Variants in C1orf167 observed in about 807,000 individuals in gnomAD.
The protein encoded by C1orf167 is uncharacterized protein C1orf167.
C1orf167 carries 153 observed loss-of-function variants against 176.5 expected under a neutral mutation model. The observed-to-expected ratio is 0.87, with a 90% CI of 0.76 to 0.99. The LOEUF is 0.99. Ranked by LOEUF, C1orf167 falls within the 50% of genes least tolerant of loss-of-function variation. The pLI, the probability that C1orf167 is intolerant of heterozygous loss-of-function variation, is 0.00. For missense variants in C1orf167, 1,490 were observed against 1,817.7 expected, an observed-to-expected ratio of 0.82 and a Z score of 3.28; for synonymous variants, 594 against 752.7, an observed-to-expected ratio of 0.79 and a Z score of 3.45.
chr1:11,767,292 GGTTGGA>G, intron 4 of C1orf167, 28 bp downstream of exon 4: 13 of 1,210,456 alleles, frequency 1.1e-5, no homozygotes, highest in Non-Finnish European at 1.3e-5. Flanking sequence ...TGGGGACAGG[GGTTGGA>G]GTTGGGGGAC....
chr1:11,787,461 G>T lies in C1orf167; in HGVS notation c.3641G>T (p.Arg1214Leu), dbSNP rs566155977. ...APSLQCSLGG[R>L]RKPRGTAWAQ... Reference sequence around the variant, plus strand: ...TCACTGCAGTGCAGCCTGGGTGGACGGAGGAAGCCAAGGGGAACGGCCTGG... The same window carrying T: ...TCACTGCAGTGCAGCCTGGGTGGACTGAGGAAGCCAAGGGGAACGGCCTGG... The change falls in exon 17 of 21, where the codon CGG becomes CTG. Residue 1214 changes from arginine (R) to leucine (L), a missense_variant. Coordinates refer to ENST00000688073, the MANE Select transcript of C1orf167 (RefSeq NM_001010881.2). 2 of 1,303,474 alleles carry T rather than the reference G, an allele frequency of 1.5e-6. No individual in the cohort carries two copies. Among genetic ancestry groups the T allele is most frequent in the South Asian group, 2.5e-5 (2 of 80,988 alleles). 80.7% of individuals were successfully genotyped at this position (1,303,474 alleles called of 1,614,324 possible).
rs1473971430 is a variant in C1orf167 at position 11,785,241 on chromosome 1, G to A, written c.3519G>A (p.Leu1173=). Residue 1173 remains leucine, a synonymous_variant, in exon 16 of 21, where the codon CTG becomes CTA. Coordinates refer to ENST00000688073, the MANE Select transcript of C1orf167 (RefSeq NM_001010881.2). ...QLRPAELRRF[L]RTVQLRVRLG... ...GGCCGGCTGAGCTCAGGCGCTTCCTGCGGACAGTGCAGCTCAGGGTGCGGC... is the reference window on the plus strand; with the variant it reads ...GGCCGGCTGAGCTCAGGCGCTTCCTACGGACAGTGCAGCTCAGGGTGCGGC... 1 of 1,291,452 alleles carries A rather than the reference G, an allele frequency of 7.7e-7. No homozygotes were observed. The highest frequency in any genetic ancestry group is 1.0e-6 in the Non-Finnish European group (1 of 988,782). 80.0% of individuals were successfully genotyped at this position (1,291,452 alleles called of 1,614,324 possible). A position where few individuals can be genotyped will look rare whatever the true frequency, so the allele number is the denominator to read the frequency against.
At chr1:11,778,589 A>C (rs12134663) in intron 10 of C1orf167, 71 bp from the exon 11 acceptor site, 189,901 of 1,193,464 alleles carry the variant, frequency 0.16, 16,231 homozygotes, top group South Asian at 0.25. Context: ...AGGGTAGGGT[A>C]GCCCCTGCTT....
chr1:11,765,823 C>T, intron 2 of C1orf167, 34 bp from the exon 3 acceptor site: 2 of 1,181,702 alleles, frequency 1.7e-6, no homozygotes, highest in South Asian at 3.2e-5. Context: ...TGAGTGCCAG[C>T]CACCCAAGTC....
At chr1:11,787,144 T>A in intron 16 of C1orf167, 1 of 198,664 alleles carries the variant, frequency 5.0e-6, no homozygotes, top group South Asian at 7.3e-5. Context: ...GACAAGTAAC[T>A]CAGCTTTGAA....
chr1:11,768,140 A>G lies in C1orf167; in HGVS notation c.1407A>G (p.Pro469=). The change falls in exon 5 of 21, where the codon CCA becomes CCG. Residue 469 remains proline (P), a synonymous_variant. Coordinates refer to ENST00000688073, the MANE Select transcript of C1orf167 (RefSeq NM_001010881.2). The surrounding 1 kb of genome is among the most constrained non-coding windows in gnomAD (Gnocchi z 4.5). ...WRHLVKRQRE[P]AAAAVALGRW... is the part of the protein sequence containing the mutation. ...ACTTGGTGAAGAGGCAGCGGGAGCC[A>G]GCGGCGGCGGCAGTGGCACTGGGCC... 1.6e-6 allele frequency: 2 copies of G among 1,289,738 alleles called. No individual in the cohort carries two copies. Among genetic ancestry groups the G allele is most frequent in the Non-Finnish European group, 2.0e-6 (2 of 988,844 alleles). 79.9% of individuals were successfully genotyped at this position (1,289,738 alleles called of 1,614,324 possible).
intron 8 of C1orf167, among the ~76,000 whole-genome samples, chr1:11,774,464 T>A (rs2100317634): frequency 6.6e-6 from 1 of 152,334 alleles, no homozygotes. Flanking sequence ...GCTGACTACA[T>A]CCCCCTGGTG....
At chr1:11,788,081 C>CG (rs1643944440) in intron 18 of C1orf167, 34 bp downstream of exon 18, 1 of 1,281,734 alleles carries the variant, frequency 7.8e-7, no homozygotes, top group Non-Finnish European at 1.0e-6. Flanking sequence ...TTGGTGGGTC[C>CG]GAGGGATGGG....
chr1:11,769,232 G>T (rs1642938342), intron 6 of C1orf167, 105 bp downstream of exon 6: 1 of 883,838 alleles, frequency 1.1e-6, no homozygotes, highest in African/African-American at 1.8e-5. Context: ...GAAATAAGCA[G>T]ATGTGGGCAA....
In C1orf167 at chr1:11,788,698, G is replaced by A. The variant is rs1407427278; in HGVS notation, c.4125G>A (p.Ala1375=). Residue 1375 remains alanine (A), a synonymous_variant, in exon 20 of 21, where the codon GCG becomes GCA. Coordinates refer to ENST00000688073, the MANE Select transcript of C1orf167 (RefSeq NM_001010881.2). ...PEMGLADVVA[A]DPATASGSAV... ...TGGGCCTGGCAGACGTGGTGGCAGC[G>A]GATCCTGCGACTGCGAGTGGCTCAG... The A allele has an allele frequency of 1.2e-5, 16 of 1,304,122 alleles. No individual in the cohort carries two copies. Among genetic ancestry groups the A allele is most frequent in the African/African-American group, 7.6e-5 (5 of 65,852 alleles). The allele number at this position is 1,304,122 out of a possible 1,614,324, so 80.8% of individuals were successfully genotyped here. A position where few individuals can be genotyped will look rare whatever the true frequency, so the allele number is the denominator to read the frequency against.
Position 11,766,277 on chromosome 1 carries a change from C to T in C1orf167, c.491C>T (p.Ser164Phe), listed in dbSNP as rs1368999811. The T allele has an allele frequency of 7.8e-7, 1 of 1,289,802 alleles. No homozygotes were observed. Among genetic ancestry groups the T allele is most frequent in the Non-Finnish European group, 1.0e-6 (1 of 988,856 alleles). 79.9% of individuals were successfully genotyped at this position (1,289,802 alleles called of 1,614,324 possible). A position where few individuals can be genotyped will look rare whatever the true frequency, so the allele number is the denominator to read the frequency against. The change falls in exon 3 of 21, where the codon TCC (serine) becomes TTC (phenylalanine). Residue 164 changes from serine (S) to phenylalanine (F), a missense_variant. Ser to Phe is a radical substitution (Grantham distance 155). Coordinates refer to ENST00000688073, the MANE Select transcript of C1orf167 (RefSeq NM_001010881.2). The surrounding 1 kb of genome is among the most constrained non-coding windows in gnomAD (Gnocchi z 4.5). ...CAAGAGCCACTGGCTCGCCCATCTTCCTGCCTGAGGCAGTCCGGGCTGCCG... is the reference window on the plus strand; with the variant it reads ...CAAGAGCCACTGGCTCGCCCATCTTTCTGCCTGAGGCAGTCCGGGCTGCCG... ...LSQEPLARPS[S>F]CLRQSGLPAP...
intron 19 of C1orf167, 129 bp downstream of exon 19, chr1:11,788,507 T>C: frequency 9.0e-7 from 1 of 1,113,528 alleles, no homozygotes; most frequent in Non-Finnish European, 1.2e-6. Context: ...CCCAGGAATC[T>C]GCATTCTTAA....
intron 2 of C1orf167, 147 bp downstream of exon 2, chr1:11,764,617 CAG>C (rs1298175354): frequency 1.1e-5 from 6 of 570,730 alleles, no homozygotes; most frequent in East Asian, 6.9e-5. Flanking sequence ...GGACATAGGA[CAG>C]AGTCTTCCCA....
At position 11,766,332 on chromosome 1, in the gene C1orf167, G is replaced by A. The variant is rs770320609; in HGVS notation, c.546G>A (p.Arg182=). ...PAPGTPSGDF[R]PTEAFAPLDG... ...CAGGCACCCCTAGCGGGGACTTCAGGCCCACTGAAGCCTTTGCCCCTCTCG... is the reference window on the plus strand; with the variant it reads ...CAGGCACCCCTAGCGGGGACTTCAGACCCACTGAAGCCTTTGCCCCTCTCG... The change falls in exon 3 of 21, where the codon AGG becomes AGA. Residue 182 remains arginine (R), a synonymous_variant. Transcript: ENST00000688073. The surrounding 1 kb of genome is among the most constrained non-coding windows in gnomAD (Gnocchi z 4.5). 5.5e-6 allele frequency: 7 copies of A among 1,282,340 alleles called. No individual in the cohort carries two copies. The East Asian group carries it at 3.9e-4, about 72-fold the overall frequency. The allele number at this position is 1,282,340 out of a possible 1,614,324, so 79.4% of individuals were successfully genotyped here.
Position 11,776,444 on chromosome 1 carries a change from G to T in C1orf167, c.2165-20G>T. On this transcript the variant is annotated intron_variant, in intron 9 of 20. Transcript: ENST00000688073. ...AGGTCAGTGGGGAGGCAGCTGACTG[G>T]ACTCTTGACGGTTTCTCAGGACGTG... 1 of 1,297,052 alleles carries T rather than the reference G, an allele frequency of 7.7e-7. No individual in the cohort carries two copies. Among genetic ancestry groups the T allele is most frequent in the South Asian group, 1.2e-5 (1 of 80,092 alleles). 80.3% of individuals were successfully genotyped at this position (1,297,052 alleles called of 1,614,324 possible).
chr1:11,781,620 A>AGAT (rs1205888705), intron 13 of C1orf167, among the ~76,000 whole-genome samples: 1 of 152,176 alleles, frequency 6.6e-6, no homozygotes, highest in Non-Finnish European at 1.5e-5. Flanking sequence ...ATTGAAAATT[A>AGAT]GATTTTTGGG....
At chr1:11,767,511 C>G (rs931255319) in intron 4 of C1orf167, among the ~76,000 whole-genome samples, 1 of 152,098 alleles carries the variant, frequency 6.6e-6, no homozygotes, top group East Asian at 1.9e-4. Flanking sequence ...CCAAGGCCAC[C>G]CTGGGTTTTC....
At chr1:11,767,145 G>T in intron 3 of C1orf167, 60 bp downstream of exon 3, 1 of 1,282,772 alleles carries the variant, frequency 7.8e-7, no homozygotes, top group Non-Finnish European at 1.0e-6. Flanking sequence ...TCCAGGGCAG[G>T]GAGGCTTGGC....
chr1:11,773,192 C>T (rs538613787), intron 8 of C1orf167, among the ~76,000 whole-genome samples: 1 of 152,006 alleles, frequency 6.6e-6, no homozygotes, highest in Non-Finnish European at 1.5e-5. Flanking sequence ...CGCACCCGGC[C>T]TGTGGGGCAT....
Sources: gnomAD v4.1 joint callset for allele counts (sites outside exome capture counted in the v4.1 genomes callset) on GRCh38, gnomAD v4.1.1 for gene constraint, Gnocchi (gnomAD v3.1) non-coding constraint, MANE v1.5 for transcripts, NCBI Gene and HGNC (gene_info 2026-07-23, HGNC 2026-07-21) for gene names.